Variants in RSBN1L observed in about 807,000 individuals in gnomAD.
RSBN1L encodes the protein round spermatid basic protein 1 like.
In RSBN1L, 30 loss-of-function variants were observed where a neutral mutation model predicts 67.7. The ratio of observed to expected loss-of-function variants is 0.44; its 90% CI spans 0.33 to 0.60. The LOEUF (loss-of-function observed/expected upper bound fraction) is 0.60, where lower values mean the gene tolerates loss of function less well. Among genes scored for constraint, RSBN1L ranks in the 20% least tolerant of loss-of-function variants. The pLI, the probability that RSBN1L is intolerant of heterozygous loss-of-function variation, is 0.02. For missense variants in RSBN1L, 992 were observed against 1,031.7 expected, an observed-to-expected ratio of 0.96 and a Z score of 0.53; for synonymous variants, 433 against 387.0, an observed-to-expected ratio of 1.12 and a Z score of -1.39.
intron 2 of RSBN1L, among the ~76,000 whole-genome samples, chr7:77,739,650 C>G (rs1424336643): frequency 8.0e-6 from 1 of 124,982 alleles, no homozygotes; most frequent in Non-Finnish European, 1.6e-5. Flanking sequence ...GAGGCAAAGG[C>G]TGCAGCCGAG....
intron 1 of RSBN1L, among the ~76,000 whole-genome samples, chr7:77,711,056 G>C (rs2150413395): frequency 6.6e-6 from 1 of 152,212 alleles, no homozygotes; most frequent in South Asian, 2.1e-4. Context: ...TGCCTGCTCA[G>C]AAGAGATGCC....
At chr7:77,769,070 T>C (rs1051382437) in intron 5 of RSBN1L, among the ~76,000 whole-genome samples, 5 of 152,214 alleles carry the variant, frequency 3.3e-5, no homozygotes, top group Non-Finnish European at 7.3e-5. Flanking sequence ...AAATGTAATA[T>C]TCAGAACCTA....
intron 2 of RSBN1L, among the ~76,000 whole-genome samples, chr7:77,748,937 C>T (rs970991164): frequency 5.3e-5 from 8 of 152,144 alleles, no homozygotes; most frequent in African/African-American, 1.9e-4. Flanking sequence ...CTCTCTCTCT[C>T]TGTCTCTCTC....
At chr7:77,728,516 G>T (rs1182986404) in intron 1 of RSBN1L, among the ~76,000 whole-genome samples, 1 of 152,156 alleles carries the variant, frequency 6.6e-6, no homozygotes, top group Non-Finnish European at 1.5e-5. Flanking sequence ...ACGCCCAGAA[G>T]ACCCGTGGAG....
intron 1 of RSBN1L, among the ~76,000 whole-genome samples, chr7:77,708,463 G>A (rs200578777): frequency 1.3e-5 from 2 of 151,012 alleles, no homozygotes; most frequent in Non-Finnish European, 2.9e-5. Context: ...CTCACTGCAA[G>A]CTCCGCCTCC....
chr7:77,716,485 C>T (rs1331741064), intron 1 of RSBN1L, among the ~76,000 whole-genome samples: 6 of 146,076 alleles, frequency 4.1e-5, no homozygotes, highest in Non-Finnish European at 7.5e-5. Context: ...TTTTTATTAA[C>T]TTGAGAATTA....
At chr7:77,767,946 G>C (rs1323303115) in intron 4 of RSBN1L, among the ~76,000 whole-genome samples, 1 of 146,324 alleles carries the variant, frequency 6.8e-6, no homozygotes, top group Non-Finnish European at 1.5e-5. Context: ...CGCCTCCGAG[G>C]TTCAAGCGAT....
intron 1 of RSBN1L, among the ~76,000 whole-genome samples, chr7:77,727,868 T>C (rs1791227568): frequency 6.6e-6 from 1 of 152,234 alleles, no homozygotes; most frequent in South Asian, 2.1e-4. Flanking sequence ...AAATGCTGTT[T>C]AATGCAGATC....
At chr7:77,742,405 G>A (rs1791425910) in intron 2 of RSBN1L, among the ~76,000 whole-genome samples, 1 of 152,162 alleles carries the variant, frequency 6.6e-6, no homozygotes, top group South Asian at 2.1e-4. Flanking sequence ...GACAACACAT[G>A]TGAAATCTTG....
chr7:77,696,572 G>T lies in RSBN1L; in HGVS notation c.103G>T (p.Asp35Tyr), dbSNP rs369849729. Reference sequence around the variant, plus strand: ...TGGCAAGCTGCAACTCTCCTCCCGGGACCCTCCGGGTTCTCTGTCCGCCAA... The same window carrying T: ...TGGCAAGCTGCAACTCTCCTCCCGGTACCCTCCGGGTTCTCTGTCCGCCAA... ...PFGKLQLSSR[D>Y]PPGSLSAKKV... is the part of the protein sequence containing the mutation. The change falls in exon 1 of 8, where the codon GAC becomes TAC. Residue 35 changes from aspartate (D) to tyrosine (Y), a missense_variant. Physicochemically the swap from Asp to Tyr is radical, Grantham distance 160. Around this residue, in one of 7 missense-constraint regions of RSBN1L, gnomAD observed 575 missense variants for 483.2 expected, o/e 1.19. Transcript: ENST00000334955. 2 of 1,614,142 alleles carry T rather than the reference G, an allele frequency of 1.2e-6. No individual in the cohort carries two copies. The highest frequency in any genetic ancestry group is 1.7e-6 in the Non-Finnish European group (2 of 1,180,016).
At chr7:77,716,403 G>T (rs2150414832) in intron 1 of RSBN1L, among the ~76,000 whole-genome samples, 1 of 149,224 alleles carries the variant, frequency 6.7e-6, no homozygotes, top group East Asian at 1.9e-4. Context: ...ATGGCTCACT[G>T]CAGCCTTGAA....
chr7:77,746,376 G>T (rs1210184592), intron 2 of RSBN1L, among the ~76,000 whole-genome samples: 1 of 152,124 alleles, frequency 6.6e-6, no homozygotes. Flanking sequence ...CTGCACACTT[G>T]TAAACAACCA....
Position 77,736,457 on chromosome 7 carries a change from G to GA in RSBN1L, c.641dup (p.Lys215GlufsTer3). ...AGAGAGAGACAAAGAAAAAGAAAGAGAAAAAAAGAAACATAAAGTAATGAA... is the reference window on the plus strand; with the variant it reads ...AGAGAGAGACAAAGAAAAAGAAAGAGAAAAAAAAGAAACATAAAGTAATGAA... On this transcript the variant is annotated frameshift_variant, in exon 2 of 8. Coordinates refer to ENST00000334955, the MANE Select transcript of RSBN1L (RefSeq NM_198467.3). LOFTEE classifies it high-confidence loss of function. The GA allele has an allele frequency of 1.7e-6, 2 of 1,166,746 alleles. No individual in the cohort carries two copies. Among genetic ancestry groups the GA allele is most frequent in the Admixed American group, 2.5e-5 (1 of 39,708 alleles). 72.3% of individuals were successfully genotyped at this position (1,166,746 alleles called of 1,614,324 possible). A position where few individuals can be genotyped will look rare whatever the true frequency, so the allele number is the denominator to read the frequency against.
chr7:77,715,343 G>C (rs1384789900), intron 1 of RSBN1L, among the ~76,000 whole-genome samples: 1 of 152,018 alleles, frequency 6.6e-6, no homozygotes, highest in East Asian at 1.9e-4. Flanking sequence ...GGGATATTTT[G>C]TGTGTGTGAC....
chr7:77,739,605 C>T (rs1220262868), intron 2 of RSBN1L, among the ~76,000 whole-genome samples: 5 of 144,890 alleles, frequency 3.5e-5, no homozygotes, highest in Non-Finnish European at 6.0e-5. Context: ...CCCAGCTACT[C>T]GTGAGGCTGA....
At chr7:77,756,447 A>G (rs1791618403) in intron 3 of RSBN1L, among the ~76,000 whole-genome samples, 2 of 151,960 alleles carry the variant, frequency 1.3e-5, no homozygotes, top group African/African-American at 4.8e-5. Flanking sequence ...ATTTTTTAGA[A>G]TATAATATAG....
At chr7:77,697,298 C>T (rs886328502) in intron 1 of RSBN1L, 1 of 374,096 alleles carries the variant, frequency 2.7e-6, no homozygotes, top group Non-Finnish European at 4.7e-6. Flanking sequence ...TTCTTCCTCC[C>T]AGTTAGTGCG....
chr7:77,717,344 C>T (rs192238219), intron 1 of RSBN1L, among the ~76,000 whole-genome samples: 1 of 151,794 alleles, frequency 6.6e-6, no homozygotes, highest in Non-Finnish European at 1.5e-5. Flanking sequence ...GGAGTTTTTC[C>T]TAGTATATTT....
At chr7:77,750,296 GTTTTT>G (rs36054297) in intron 3 of RSBN1L, among the ~76,000 whole-genome samples, 18 of 57,458 alleles carry the variant, frequency 3.1e-4, no homozygotes, top group Admixed American at 8.3e-4. Context: ...AAGATTCTGT[GTTTTT>G]TTTTTTTTTT....
Sources: allele counts gnomAD v4.1 joint callset (sites outside exome capture counted in the v4.1 genomes callset), GRCh38; gene constraint gnomAD v4.1.1; regional missense constraint gnomAD v4.1.1; transcripts MANE v1.5; gene names NCBI Gene and HGNC (gene_info 2026-07-23, HGNC 2026-07-21).